ATF6: variants seen among roughly 807,000 people sequenced by gnomAD.
The protein encoded by ATF6 is activating transcription factor 6.
In ATF6, 53 loss-of-function variants were observed where a neutral mutation model predicts 83.6. The observed-to-expected ratio is 0.63, with a 90% CI of 0.51 to 0.80. The LOEUF (loss-of-function observed/expected upper bound fraction) is 0.80. Ranked by LOEUF, ATF6 falls within the 30% of genes least tolerant of loss-of-function variation. ATF6 has a pLI of 0.00. For synonymous variants in ATF6, 288 were observed against 285.8 expected, an observed-to-expected ratio of 1.01 and a Z score of -0.08; for missense variants, 744 against 797.9, an observed-to-expected ratio of 0.93 and a Z score of 0.81.
chr1:161,893,223 G>A (rs1687595513), intron 14 of ATF6, among the ~76,000 whole-genome samples: 1 of 151,772 alleles, frequency 6.6e-6, no homozygotes, highest in Non-Finnish European at 1.5e-5. Context: ...CTGGAGTGCA[G>A]TGGTGCGATC....
intron 15 of ATF6, among the ~76,000 whole-genome samples, chr1:161,956,182 A>G (rs989444069): frequency 1.3e-5 from 2 of 152,176 alleles, no homozygotes; most frequent in Non-Finnish European, 1.5e-5. Context: ...TTAAACTGTC[A>G]TCTGGATTCT....
chr1:161,920,294 C>CTTTTTTTTTTTTTTTT (rs71798307), intron 15 of ATF6, among the ~76,000 whole-genome samples: 1,911 of 54,812 alleles, frequency 0.035, 713 homozygotes, highest in Non-Finnish European at 0.049. Flanking sequence ...CTCTCTCTCT[C>CTTTTTTTTTTTTTTTT]TTTTTTTTTT....
chr1:161,790,256 A>C (rs1160177237), intron 4 of ATF6, among the ~76,000 whole-genome samples: 1 of 152,164 alleles, frequency 6.6e-6, no homozygotes, highest in Non-Finnish European at 1.5e-5. Flanking sequence ...ACACCCTGAG[A>C]GTAAACAAGT....
At position 161,960,611 on chromosome 1, in the gene ATF6, C is replaced by G. The variant is rs1689077026; in HGVS notation, c.*1957C>G. 1 of 152,236 alleles carries G rather than the reference C, an allele frequency of 6.6e-6. No individual in the cohort carries two copies. The highest frequency in any genetic ancestry group is 1.5e-5 in the Non-Finnish European group (1 of 68,048). The allele number at this position is 152,236 out of a possible 1,614,324, so 9.4% of individuals were successfully genotyped here. The stretch of plus-strand genomic sequence containing the variant: ...CTTTATTGTTGTGTTACCTGGGAGT[C>G]TGGAGTTTGAAAAGTGCTAATTAAC... On this transcript the variant is annotated 3_prime_UTR_variant, in exon 16 of 16. Coordinates refer to ENST00000367942, the MANE Select transcript of ATF6 (RefSeq NM_007348.4).
intron 15 of ATF6, among the ~76,000 whole-genome samples, chr1:161,946,151 T>C (rs754025553): frequency 4.6e-5 from 7 of 152,248 alleles, no homozygotes; most frequent in Middle Eastern, 3.4e-3. Flanking sequence ...CAAACCATCA[T>C]GCCCAGCTAA....
At chr1:161,937,854 C>T (rs1333341081) in intron 15 of ATF6, among the ~76,000 whole-genome samples, 3 of 150,792 alleles carry the variant, frequency 2.0e-5, no homozygotes, top group African/African-American at 4.9e-5. Context: ...CAAACCTGCA[C>T]GTTCTGCACA....
At chr1:161,934,100 G>T (rs1013850970) in intron 15 of ATF6, among the ~76,000 whole-genome samples, 1 of 152,158 alleles carries the variant, frequency 6.6e-6, no homozygotes, top group Non-Finnish European at 1.5e-5. Context: ...ATGAGTGGGG[G>T]CCACAATTAG....
intron 1 of ATF6, among the ~76,000 whole-genome samples, chr1:161,771,318 C>T (rs962900047): frequency 6.6e-6 from 1 of 152,062 alleles, no homozygotes; most frequent in African/African-American, 2.4e-5. Context: ...ACTGTGGTTT[C>T]GTTTATGTCT....
At chr1:161,907,677 G>A (rs1051996038) in intron 14 of ATF6, among the ~76,000 whole-genome samples, 12 of 152,168 alleles carry the variant, frequency 7.9e-5, no homozygotes, top group African/African-American at 2.7e-4. Context: ...GGTACTAGTA[G>A]ATAGTCTGTT....
intron 14 of ATF6, among the ~76,000 whole-genome samples, chr1:161,874,299 C>A (rs901381355): frequency 1.4e-4 from 21 of 151,498 alleles, no homozygotes; most frequent in African/African-American, 5.1e-4. Flanking sequence ...TATAATGTGT[C>A]TGTAATGTCC....
intron 7 of ATF6, among the ~76,000 whole-genome samples, chr1:161,813,646 G>T (rs1384139853): frequency 6.6e-6 from 1 of 152,108 alleles, no homozygotes; most frequent in Non-Finnish European, 1.5e-5. Context: ...TGATAAACCT[G>T]ATATTGGGTT....
intron 9 of ATF6, among the ~76,000 whole-genome samples, chr1:161,843,047 C>G (rs1055373297): frequency 2.6e-5 from 4 of 152,196 alleles, no homozygotes; most frequent in Non-Finnish European, 2.9e-5. Flanking sequence ...TGGCTGGAGC[C>G]TATCCTGGTA....
chr1:161,897,410 C>G (rs1687697209), intron 14 of ATF6, among the ~76,000 whole-genome samples: 1 of 152,040 alleles, frequency 6.6e-6, no homozygotes, highest in Non-Finnish European at 1.5e-5. Flanking sequence ...GCACTCCAGC[C>G]TGGGAAACAG....
At chr1:161,956,389 C>G (rs1363511434) in intron 15 of ATF6, among the ~76,000 whole-genome samples, 1 of 152,198 alleles carries the variant, frequency 6.6e-6, no homozygotes, top group African/African-American at 2.4e-5. Flanking sequence ...GCCTTGAAAT[C>G]TGAACTTAGT....
intron 11 of ATF6, 121 bp downstream of exon 11, chr1:161,851,956 A>G (rs1054271722): frequency 2.7e-6 from 2 of 737,538 alleles, no homozygotes; most frequent in African/African-American, 3.5e-5. Context: ...TTATTTGTGG[A>G]TAACTGTAGG....
At chr1:161,769,630 A>G (rs900819411) in intron 1 of ATF6, among the ~76,000 whole-genome samples, 2 of 152,132 alleles carry the variant, frequency 1.3e-5, no homozygotes, top group Non-Finnish European at 2.9e-5. Context: ...TGAAATAATT[A>G]TATAACTCAA....
At chr1:161,792,378 G>T (rs1165595928) in intron 6 of ATF6, 51 bp downstream of exon 6, 2 of 1,513,872 alleles carry the variant, frequency 1.3e-6, no homozygotes, top group Admixed American at 3.5e-5. Context: ...GGGCAGTAAG[G>T]GTTGTGTCAT....
chr1:161,851,250 ACACACACAC>A (rs776863364), intron 10 of ATF6, among the ~76,000 whole-genome samples: 6 of 147,034 alleles, frequency 4.1e-5, no homozygotes, highest in Non-Finnish European at 8.9e-5. Flanking sequence ...ACACACACAC[ACACACACAC>A]ACACACACAC....
At chr1:161,834,428 A>G (rs970456415) in intron 9 of ATF6, among the ~76,000 whole-genome samples, 23 of 152,170 alleles carry the variant, frequency 1.5e-4, no homozygotes, top group Non-Finnish European at 4.4e-5. Context: ...CATATACACC[A>G]TGGAATACTA....
Sources: gnomAD v4.1 joint callset for allele counts (sites outside exome capture counted in the v4.1 genomes callset) on GRCh38, gnomAD v4.1.1 for gene constraint, MANE v1.5 for transcripts, NCBI Gene and HGNC (gene_info 2026-07-23, HGNC 2026-07-21) for gene names.